KIF26B: variants seen among roughly 807,000 people sequenced by gnomAD.
The protein encoded by KIF26B is kinesin-like protein KIF26B.
KIF26B carries 63 observed loss-of-function variants against 151.2 expected under a neutral mutation model. The ratio of observed to expected loss-of-function variants is 0.42; its 90% confidence interval spans 0.34 to 0.51. The LOEUF (loss-of-function observed/expected upper bound fraction) is 0.51, where lower values mean the gene tolerates loss of function less well. KIF26B is among the 20% of genes least tolerant of loss of function. The pLI, the probability that KIF26B is intolerant of heterozygous loss-of-function variation, is 0.07. For synonymous variants in KIF26B, 1,357 were observed against 1,262.1 expected (o/e 1.08, Z -1.59); for missense variants, 2,813 against 2,913.6 (o/e 0.97, Z 0.79).
chr1:245,546,462 C>T (rs1275099688), intron 5 of KIF26B, among the ~76,000 whole-genome samples: 10 of 152,238 alleles, frequency 6.6e-5, no homozygotes, highest in Admixed American at 6.5e-4. Context: ...TCATGCCTTT[C>T]AGCCCACCAA....
chr1:245,241,149 A>G lies in KIF26B; in HGVS notation c.465+84466A>G, dbSNP rs1030942082. Reference sequence around the variant, plus strand: ...TGAGCAGTTTCTTCCCGTTACCAGTAAATGTCGGAATTTCCTGAGTGCAGC... The same window carrying G: ...TGAGCAGTTTCTTCCCGTTACCAGTGAATGTCGGAATTTCCTGAGTGCAGC... On this transcript the variant is annotated intron_variant, in intron 2 of 14. Transcript: ENST00000407071. The surrounding 1 kb of genome is among the most constrained non-coding windows in gnomAD (Gnocchi z 5.0). Among the ~76,000 whole-genome samples the G allele has an allele frequency of 6.6e-6, 1 of 152,164 alleles. No homozygotes were observed. The highest frequency in any genetic ancestry group is 1.5e-5 in the Non-Finnish European group (1 of 68,026).
intron 4 of KIF26B, among the ~76,000 whole-genome samples, chr1:245,442,656 C>T (rs540982088): frequency 1.3e-5 from 2 of 151,996 alleles, no homozygotes; most frequent in African/African-American, 4.8e-5. Flanking sequence ...GCGGTCATCT[C>T]CCTCACTGTT....
At chr1:245,216,805 T>A (rs1428383591) in intron 2 of KIF26B, among the ~76,000 whole-genome samples, 1 of 152,230 alleles carries the variant, frequency 6.6e-6, no homozygotes, top group East Asian at 1.9e-4. Context: ...TTGAAAGAGT[T>A]AGCTAGGTTT....
intron 4 of KIF26B, among the ~76,000 whole-genome samples, chr1:245,464,239 A>G (rs1435688668): frequency 6.6e-6 from 1 of 152,216 alleles, no homozygotes; most frequent in East Asian, 1.9e-4. Flanking sequence ...AGACCTGACT[A>G]TTCTGAATTG....
At chr1:245,205,392 C>A (rs1249856666) in intron 2 of KIF26B, among the ~76,000 whole-genome samples, 1 of 152,266 alleles carries the variant, frequency 6.6e-6, no homozygotes, top group African/African-American at 2.4e-5. Context: ...GCAAAAACAA[C>A]TGGAGCACAG....
chr1:245,555,296 C>T (rs1196476669), intron 5 of KIF26B, among the ~76,000 whole-genome samples: 1 of 152,068 alleles, frequency 6.6e-6, no homozygotes, highest in Non-Finnish European at 1.5e-5. Flanking sequence ...ACTGTGATGC[C>T]TCATGGAACC....
At chr1:245,607,769 T>C (rs768612156) in intron 7 of KIF26B, 25 bp downstream of exon 7, 40 of 1,571,076 alleles carry the variant, frequency 2.5e-5, no homozygotes, top group Non-Finnish European at 3.3e-5. Flanking sequence ...CACTTTCTCA[T>C]GCGGCTCGTT....
At chr1:245,588,577 A>C (rs1379693567) in intron 5 of KIF26B, among the ~76,000 whole-genome samples, 2 of 152,178 alleles carry the variant, frequency 1.3e-5, no homozygotes, top group African/African-American at 4.8e-5. Flanking sequence ...TCCTTCCAAC[A>C]AGATGGCAGC....
At chr1:245,553,406 G>A (rs568091127) in intron 5 of KIF26B, among the ~76,000 whole-genome samples, 192 of 152,318 alleles carry the variant, frequency 1.3e-3, no homozygotes, top group African/African-American at 4.4e-3. Flanking sequence ...CTGCCTTGGC[G>A]GGGTGGCAGG....
chr1:245,599,446 C>T (rs942599157), intron 5 of KIF26B, among the ~76,000 whole-genome samples: 3 of 152,192 alleles, frequency 2.0e-5, no homozygotes, highest in East Asian at 3.9e-4. Context: ...CTCGGGATTT[C>T]GTTAAGATGC....
At position 245,541,051 on chromosome 1, in the gene KIF26B, G is replaced by A. The variant is rs551093068; in HGVS notation, c.1350+101G>A. 284 of 976,966 alleles carry A rather than the reference G, an allele frequency of 2.9e-4. 1 individual carries two copies. The highest frequency in any genetic ancestry group is 3.6e-4 in the Non-Finnish European group (241 of 673,148). The allele number at this position is 976,966 out of a possible 1,614,324, so 60.5% of individuals were successfully genotyped here. A position where few individuals can be genotyped will look rare whatever the true frequency, so the allele number is the denominator to read the frequency against. On this transcript the variant is annotated intron_variant, in intron 5 of 14. Transcript: ENST00000407071. ...GGCCTCCAATGTATTAAAATAAGACGTTGCCAGGGAGAAAAGGAGGCAAGA... is the reference window on the plus strand; with the variant it reads ...GGCCTCCAATGTATTAAAATAAGACATTGCCAGGGAGAAAAGGAGGCAAGA...
At chr1:245,510,535 G>T (rs911385003) in intron 4 of KIF26B, among the ~76,000 whole-genome samples, 7 of 151,600 alleles carry the variant, frequency 4.6e-5, no homozygotes, top group Admixed American at 3.9e-4. Context: ...AATTGGAGTT[G>T]TAGCAAGTAT....
intron 4 of KIF26B, among the ~76,000 whole-genome samples, chr1:245,435,004 C>CATCT (rs1172817705): frequency 6.7e-6 from 1 of 149,840 alleles, no homozygotes; most frequent in East Asian, 2.0e-4. Flanking sequence ...TCCATCCATC[C>CATCT]ATCCATCCAT....
intron 5 of KIF26B, among the ~76,000 whole-genome samples, chr1:245,577,387 CT>C (rs34596515): frequency 0.15 from 22,350 of 152,256 alleles, 1,985 homozygotes; most frequent in Non-Finnish European, 0.19. Context: ...CCCATCTGCC[CT>C]TTCCAGGTTG....
At chr1:245,552,811 G>A (rs2103110585) in intron 5 of KIF26B, among the ~76,000 whole-genome samples, 1 of 152,212 alleles carries the variant, frequency 6.6e-6, no homozygotes, top group African/African-American at 2.4e-5. Flanking sequence ...CGTTGGCCAG[G>A]CTAGTCTCAA....
chr1:245,625,268 T>G (rs1336145859), intron 9 of KIF26B, among the ~76,000 whole-genome samples: 3 of 152,310 alleles, frequency 2.0e-5, no homozygotes, highest in Admixed American at 1.3e-4. Flanking sequence ...CCATACAAAT[T>G]TTAGAGTCGC....
chr1:245,474,912 C>T (rs1194860051), intron 4 of KIF26B, among the ~76,000 whole-genome samples: 1 of 151,792 alleles, frequency 6.6e-6, no homozygotes, highest in Admixed American at 6.6e-5. Context: ...TGGTTCATTT[C>T]ACTTCCCATA....
chr1:245,156,718 G>A (rs1481975091), intron 2 of KIF26B, 35 bp downstream of exon 2: 4 of 1,346,988 alleles, frequency 3.0e-6, no homozygotes, highest in Middle Eastern at 5.2e-4. Flanking sequence ...GGGAGGCGCC[G>A]GGAGGGCGGG....
At chr1:245,614,667 G>A (rs2043565759) in intron 9 of KIF26B, 1 of 152,302 alleles carries the variant, frequency 6.6e-6, no homozygotes, top group South Asian at 2.1e-4. Flanking sequence ...CAGCGGGCGA[G>A]GCGCCCCAGG....
Sources: allele counts gnomAD v4.1 joint callset (sites outside exome capture counted in the v4.1 genomes callset), GRCh38; gene constraint gnomAD v4.1.1; non-coding constraint Gnocchi (gnomAD v3.1); transcripts MANE v1.5; gene names NCBI Gene and HGNC (gene_info 2026-07-23, HGNC 2026-07-21).